Variants in GCH1 observed in about 807,000 individuals in gnomAD.
GCH1 encodes GTP cyclohydrolase I.
In GCH1, 5 loss-of-function variants were observed where a neutral mutation model predicts 25.9. That is an observed-to-expected ratio of 0.19 (90% CI 0.10 to 0.41). GCH1 has a LOEUF of 0.41. Among genes scored for constraint, GCH1 ranks in the 10% least tolerant of loss-of-function variants. The pLI is 1.00. For synonymous variants in GCH1, 159 were observed against 129.6 expected (o/e 1.23, Z -1.54); for missense variants, 261 against 336.5 (o/e 0.78, Z 1.75).
intron 2 of GCH1, among the ~76,000 whole-genome samples, chr14:54,862,370 A>G (rs2039911398): frequency 1.4e-5 from 2 of 142,208 alleles, no homozygotes; most frequent in South Asian, 2.2e-4. Context: ...ACCCTTATGA[A>G]GCACTACTCT....
chr14:54,862,334 A>C (rs1276918602), intron 2 of GCH1, among the ~76,000 whole-genome samples: 33 of 147,098 alleles, frequency 2.2e-4, no homozygotes, highest in Admixed American at 2.2e-3. Context: ...CTCGGCCCTG[A>C]TGTGATATAA....
chr14:54,888,773 T>A, intron 1 of GCH1, among the ~76,000 whole-genome samples: 1 of 151,184 alleles, frequency 6.6e-6, no homozygotes, highest in East Asian at 1.9e-4. Flanking sequence ...TCTGCCCACC[T>A]CAGCCTCCCA....
chr14:54,853,299 A>AT (rs558340201), intron 3 of GCH1, among the ~76,000 whole-genome samples: 3 of 152,216 alleles, frequency 2.0e-5, no homozygotes, highest in South Asian at 2.1e-4. Flanking sequence ...ATTCCATTTG[A>AT]TTTTTTGAAG....
chr14:54,874,039 A>G (rs1339971872), intron 1 of GCH1, among the ~76,000 whole-genome samples: 2 of 152,126 alleles, frequency 1.3e-5, no homozygotes, highest in Admixed American at 6.5e-5. Context: ...GAGACACAAC[A>G]AAAAAAGAGA....
rs1259622099 is a variant in GCH1, at chr14:54,863,412, A to G, written c.453+1915T>C. ...AATCTAGCCTGGGCGACAGAGCGAG[A>G]CTCCGTCTCAAAAAAAAAAAAAAAA... On this transcript the variant is annotated intron_variant, in intron 2 of 5. Coordinates refer to ENST00000491895, the MANE Select transcript of GCH1 (RefSeq NM_000161.3). 6.9e-5 allele frequency among the ~76,000 whole-genome samples: 8 copies of G among 116,214 alleles called. No individual in the cohort carries two copies. In the East Asian group the frequency reaches 1.5e-3, roughly 22 times the overall value. The allele number at this position is 116,214 out of a possible 152,430, so 76.2% of individuals were successfully genotyped here.
At chr14:54,846,954 T>C in intron 4 of GCH1, 145 bp downstream of exon 4, 1 of 437,656 alleles carries the variant, frequency 2.3e-6, no homozygotes, top group South Asian at 2.4e-5. Flanking sequence ...CTCAGCTACT[T>C]GGAAGGCTGA....
At chr14:54,878,098 T>C (rs1278796760) in intron 1 of GCH1, 1 of 154,778 alleles carries the variant, frequency 6.5e-6, no homozygotes, top group Non-Finnish European at 1.5e-5. Flanking sequence ...CTGTTTCTGC[T>C]GTGGAGAAAG....
chr14:54,877,316 T>C (rs1443111662), intron 1 of GCH1, among the ~76,000 whole-genome samples: 1 of 152,102 alleles, frequency 6.6e-6, no homozygotes, highest in Non-Finnish European at 1.5e-5. Flanking sequence ...CCTCCACAAG[T>C]TAAAGGTTTG....
At position 54,848,532 on chromosome 14, in the gene GCH1, T is replaced by C. The variant is rs182626279; in HGVS notation, c.510-1402A>G. Among the ~76,000 whole-genome samples, 180 of 152,338 alleles carry C rather than the reference T, an allele frequency of 1.2e-3. 1 individual carries two copies. Among genetic ancestry groups the C allele is most frequent in the African/African-American group, 4.0e-3 (168 of 41,570 alleles). ...AAGATGACTATTCACACTGAGGACCTTTTCTTTAAATTCATGGCCTTTTGA... is the reference window on the plus strand; with the variant it reads ...AAGATGACTATTCACACTGAGGACCCTTTCTTTAAATTCATGGCCTTTTGA... On this transcript the variant is annotated intron_variant, in intron 3 of 5. Transcript: ENST00000491895.
At chr14:54,891,388 G>T (rs1422167930) in intron 1 of GCH1, among the ~76,000 whole-genome samples, 1 of 149,180 alleles carries the variant, frequency 6.7e-6, no homozygotes, top group African/African-American at 2.5e-5. Context: ...TTACAGGCAT[G>T]AGCCATCATG....
At chr14:54,852,621 AG>A (rs1013166210) in intron 3 of GCH1, among the ~76,000 whole-genome samples, 1 of 152,228 alleles carries the variant, frequency 6.6e-6, no homozygotes, top group African/African-American at 2.4e-5. Context: ...GGTCCCAGCA[AG>A]GAATTTTTTT....
At chr14:54,881,055 C>T (rs1435033260) in intron 1 of GCH1, among the ~76,000 whole-genome samples, 1 of 151,360 alleles carries the variant, frequency 6.6e-6, no homozygotes, top group Non-Finnish European at 1.5e-5. Context: ...GAACTCCCAG[C>T]CTCAGGTGAT....
intron 3 of GCH1, among the ~76,000 whole-genome samples, chr14:54,851,004 C>G (rs2039721619): frequency 6.6e-6 from 1 of 152,092 alleles, no homozygotes; most frequent in Non-Finnish European, 1.5e-5. Context: ...CTACAGTAAC[C>G]AAAACAGCAT....
At chr14:54,875,082 G>C (rs1368770956) in intron 1 of GCH1, among the ~76,000 whole-genome samples, 1 of 152,082 alleles carries the variant, frequency 6.6e-6, no homozygotes, top group African/African-American at 2.4e-5. Context: ...ATACTACAAG[G>C]CTACAGTAAC....
chr14:54,859,701 A>G lies in GCH1; in HGVS notation c.489T>C (p.Leu163=). 1 of 1,601,736 alleles carries G rather than the reference A, an allele frequency of 6.2e-7. No homozygotes were observed. The highest frequency in any genetic ancestry group is 1.1e-5 in the South Asian group (1 of 90,828). Reference sequence around the variant, plus strand: ...CTTACCTCGCAAGTTTGCTGAGGCCAAGGACTTGCTTGTTAGGAAGATAAC... The same window carrying G: ...CTTACCTCGCAAGTTTGCTGAGGCCGAGGACTTGCTTGTTAGGAAGATAAC... ...HIGYLPNKQV[L]GLSKLARIVE... Residue 163 remains leucine (L), a synonymous_variant, in exon 3 of 6, where the codon CTT becomes CTC. Coordinates refer to ENST00000491895, the MANE Select transcript of GCH1 (RefSeq NM_000161.3).
intron 2 of GCH1, among the ~76,000 whole-genome samples, chr14:54,863,984 G>A (rs1020363428): frequency 2.0e-5 from 3 of 151,938 alleles, no homozygotes; most frequent in Admixed American, 6.6e-5. Context: ...TCAGCCTCCC[G>A]AGTAGCTGGC....
At chr14:54,893,566 A>C (rs1468690618) in intron 1 of GCH1, among the ~76,000 whole-genome samples, 3 of 152,238 alleles carry the variant, frequency 2.0e-5, no homozygotes, top group African/African-American at 4.8e-5. Context: ...ATTATTATTA[A>C]AATTAAATCA....
At chr14:54,884,491 C>T (rs2040318320) in intron 1 of GCH1, among the ~76,000 whole-genome samples, 1 of 152,024 alleles carries the variant, frequency 6.6e-6, no homozygotes, top group Admixed American at 6.6e-5. Flanking sequence ...CACAGTAGGC[C>T]GGGCGCAGTG....
At chr14:54,899,183 G>A (rs2040527325) in intron 1 of GCH1, among the ~76,000 whole-genome samples, 1 of 152,152 alleles carries the variant, frequency 6.6e-6, no homozygotes, top group Non-Finnish European at 1.5e-5. Flanking sequence ...TAAATGGGCT[G>A]GGTATGGTGG....
Sources: allele counts gnomAD v4.1 joint callset (sites outside exome capture counted in the v4.1 genomes callset), GRCh38; gene constraint gnomAD v4.1.1; transcripts MANE v1.5; gene names NCBI Gene and HGNC (gene_info 2026-07-23, HGNC 2026-07-21).